The following CTNNA2 variants were observed in gnomAD, a reference collection of about 807,000 sequenced individuals.
The protein encoded by CTNNA2 is catenin alpha-2.
A neutral mutation model predicts 101.0 loss-of-function variants in CTNNA2; 42 were observed. That is an observed-to-expected ratio of 0.42 (90% confidence interval 0.32 to 0.54). CTNNA2 has a LOEUF of 0.54. CTNNA2 is among the 20% of genes least tolerant of loss of function. The pLI, the probability that CTNNA2 is intolerant of heterozygous loss-of-function variation, is 0.14. For synonymous variants in CTNNA2, 450 were observed against 456.4 expected (o/e 0.99, Z 0.18); for missense variants, 871 against 1,223.1 (o/e 0.71, Z 4.29).
rs185680253 is a variant in CTNNA2, at chr2:79,724,936, T to C, written c.103-19451T>C. ...CGGTACTCCCTGGTCTTTACCCTGC[T>C]CTTGACTTTCTGCCTTTCTCCTGCA... On this transcript the variant is annotated intron_variant, in intron 2 of 18. Coordinates refer to ENST00000402739, the MANE Select transcript of CTNNA2 (RefSeq NM_001282597.3). Among the ~76,000 whole-genome samples, 409 of 152,122 alleles carry C rather than the reference T, an allele frequency of 2.7e-3. 2 individuals carry two copies. Among genetic ancestry groups the C allele is most frequent in the African/African-American group, 9.5e-3 (393 of 41,514 alleles).
intron 3 of CTNNA2, among the ~76,000 whole-genome samples, chr2:79,822,196 T>A (rs113535717): frequency 2.7e-5 from 4 of 150,044 alleles, no homozygotes; most frequent in South Asian, 2.1e-4. Context: ...TTTTTTTTTT[T>A]AATTTTTGGT....
chr2:80,469,788 C>A (rs1685142789), intron 9 of CTNNA2, among the ~76,000 whole-genome samples: 1 of 152,042 alleles, frequency 6.6e-6, no homozygotes, highest in Non-Finnish European at 1.5e-5. Flanking sequence ...AGGCAAGGGG[C>A]TTATGACATT....
chr2:80,254,878 C>A (rs1444349554), intron 7 of CTNNA2, among the ~76,000 whole-genome samples: 4 of 152,116 alleles, frequency 2.6e-5, no homozygotes, highest in Non-Finnish European at 5.9e-5. Context: ...TAGAGTTGGG[C>A]TACATCTCAA....
At chr2:79,270,123 C>T (rs73938159) in intron 2 of CTNNA2, among the ~76,000 whole-genome samples, 232 of 135,258 alleles carry the variant, frequency 1.7e-3, no homozygotes, top group African/African-American at 6.4e-3. Flanking sequence ...CTGTTAGGCT[C>T]AGCCCAGGAA....
chr2:80,130,666 G>A (rs1702362922), intron 7 of CTNNA2, among the ~76,000 whole-genome samples: 1 of 152,160 alleles, frequency 6.6e-6, no homozygotes, highest in Non-Finnish European at 1.5e-5. Context: ...AACCTAGAAT[G>A]AGAATAGAGA....
intron 2 of CTNNA2, among the ~76,000 whole-genome samples, chr2:79,718,771 A>C (rs1015671940): frequency 6.6e-6 from 1 of 151,932 alleles, no homozygotes; most frequent in Admixed American, 6.6e-5. Flanking sequence ...GATGCTTTCA[A>C]TAGGAGAGTT....
intron 3 of CTNNA2, among the ~76,000 whole-genome samples, chr2:79,791,346 C>T (rs1318878739): frequency 6.6e-6 from 1 of 152,240 alleles, no homozygotes; most frequent in African/African-American, 2.4e-5. Flanking sequence ...AGACATGCCT[C>T]AACCGATCCT....
At chr2:79,988,760 GA>G (rs1398763972) in intron 7 of CTNNA2, among the ~76,000 whole-genome samples, 1 of 152,098 alleles carries the variant, frequency 6.6e-6, no homozygotes, top group African/African-American at 2.4e-5. Context: ...CAACTCTAAG[GA>G]ATGAAAAATC....
At chr2:80,623,048 TAA>T (rs367889797) in intron 18 of CTNNA2, among the ~76,000 whole-genome samples, 58 of 121,604 alleles carry the variant, frequency 4.8e-4, no homozygotes, top group African/African-American at 1.2e-3. Context: ...CGCTAGTTTC[TAA>T]AAAAAAAAAA....
rs1277506505 is a variant in CTNNA2, at chr2:80,315,046, T to C, written c.1057-78165T>C. Among the ~76,000 whole-genome samples the C allele has an allele frequency of 1.8e-4, 28 of 152,194 alleles. 3 individuals are homozygous for C. The highest frequency in any genetic ancestry group is 1.8e-3 in the Admixed American group (28 of 15,282). On this transcript the variant is annotated intron_variant, in intron 7 of 18. Transcript: ENST00000402739. ...TAAAACAAAGGAAAAATGAGTTGAA[T>C]TATAAAAACAGAAAATAGTTAAAAT... is the stretch of plus-strand genomic sequence containing the variant.
chr2:80,151,853 C>G (rs947701541), intron 7 of CTNNA2, among the ~76,000 whole-genome samples: 2 of 152,260 alleles, frequency 1.3e-5, no homozygotes, highest in Non-Finnish European at 2.9e-5. Flanking sequence ...GCCAACCCCA[C>G]TCTTTTCATC....
intron 3 of CTNNA2, among the ~76,000 whole-genome samples, chr2:79,792,338 A>ATCCATAAAAAACAG (rs1675341588): frequency 6.6e-6 from 1 of 152,184 alleles, no homozygotes; most frequent in African/African-American, 2.4e-5. Context: ...CATGTTTGCT[A>ATCCATAAAAAACAG]TCCATAAAAA....
intron 7 of CTNNA2, among the ~76,000 whole-genome samples, chr2:80,265,833 T>C (rs928585703): frequency 1.3e-5 from 2 of 152,162 alleles, no homozygotes; most frequent in African/African-American, 4.8e-5. Flanking sequence ...ATCTGACCCA[T>C]TCATTACCTG....
At chr2:79,600,270 G>T (rs1252393239) in intron 1 of CTNNA2, among the ~76,000 whole-genome samples, 1 of 152,056 alleles carries the variant, frequency 6.6e-6, no homozygotes, top group Non-Finnish European at 1.5e-5. Context: ...CCACCTCCTG[G>T]GTTCAAGCCA....
intron 13 of CTNNA2, among the ~76,000 whole-genome samples, chr2:80,580,535 A>C (rs2160936): frequency 0.37 from 56,257 of 152,022 alleles, 10,630 homozygotes; most frequent in East Asian, 0.59. Context: ...ATATGGGGCA[A>C]ATGGCTTAAC....
chr2:79,400,282 T>G (rs577029438), intron 4 of CTNNA2, among the ~76,000 whole-genome samples: 41 of 151,948 alleles, frequency 2.7e-4, no homozygotes, highest in South Asian at 1.9e-3. Context: ...GTGAGGGAGG[T>G]ATGTAGCTTT....
At chr2:80,125,415 A>T (rs139192456) in intron 7 of CTNNA2, among the ~76,000 whole-genome samples, 4 of 152,288 alleles carry the variant, frequency 2.6e-5, no homozygotes, top group Non-Finnish European at 1.5e-5. Flanking sequence ...AGAGATTTCA[A>T]TGGGACTGTA....
chr2:80,398,602 C>G (rs2149375582), intron 8 of CTNNA2, among the ~76,000 whole-genome samples: 1 of 151,840 alleles, frequency 6.6e-6, no homozygotes, highest in East Asian at 2.0e-4. Context: ...TGCCTGTAAT[C>G]CTAACACTTT....
At chr2:79,843,867 A>G (rs1680007488) in intron 3 of CTNNA2, among the ~76,000 whole-genome samples, 1 of 152,120 alleles carries the variant, frequency 6.6e-6, no homozygotes, top group Admixed American at 6.5e-5. Flanking sequence ...AGAATTAAAC[A>G]ACCATGAGTG....
Sources: gnomAD v4.1 joint callset for allele counts (sites outside exome capture counted in the v4.1 genomes callset) on GRCh38, gnomAD v4.1.1 for gene constraint, MANE v1.5 for transcripts, NCBI Gene and HGNC (gene_info 2026-07-23, HGNC 2026-07-21) for gene names.